The following FOXP2 variants were observed in gnomAD, a reference collection of about 807,000 sequenced individuals.
FOXP2 encodes the protein forkhead box protein P2.
FOXP2 carries 12 observed loss-of-function variants against 115.8 expected under a neutral mutation model. The observed-to-expected ratio is 0.10, with a 90% confidence interval of 0.07 to 0.17. FOXP2 has a LOEUF of 0.17. Among genes scored for constraint, FOXP2 ranks in the 10% least tolerant of loss-of-function variants. FOXP2 has a pLI of 1.00. For synonymous variants in FOXP2, 328 were observed against 297.7 expected (o/e 1.10, Z -1.05); for missense variants, 629 against 843.5 (o/e 0.75, Z 3.15).
intron 2 of FOXP2, among the ~76,000 whole-genome samples, chr7:114,464,336 A>G (rs1795714369): frequency 6.6e-6 from 1 of 152,206 alleles, no homozygotes; most frequent in African/African-American, 2.4e-5. Flanking sequence ...ATGACTTATG[A>G]CCTTTAAAAA....
intron 3 of FOXP2, among the ~76,000 whole-genome samples, chr7:114,622,579 A>T (rs1322276635): frequency 6.6e-6 from 1 of 151,878 alleles, no homozygotes; most frequent in Non-Finnish European, 1.5e-5. Context: ...TGTTTTGGAG[A>T]GCAGTGAAAT....
chr7:114,601,042 C>T (rs1169427001), intron 3 of FOXP2, among the ~76,000 whole-genome samples: 2 of 151,798 alleles, frequency 1.3e-5, no homozygotes, highest in East Asian at 3.9e-4. Flanking sequence ...CAGCTCACTT[C>T]AGCCTCTGCC....
upstream of FOXP2, chr7:114,087,626 G>C (rs555765061): frequency 1.2e-4 from 18 of 147,328 alleles, no homozygotes; most frequent in South Asian, 3.3e-3. Context: ...CACGTGCGGC[G>C]GCGGCGGCGG....
At chr7:114,677,493 C>A (rs960151967) in intron 16 of FOXP2, among the ~76,000 whole-genome samples, 1 of 152,126 alleles carries the variant, frequency 6.6e-6, no homozygotes, top group African/African-American at 2.4e-5. Flanking sequence ...TTGACTTAGT[C>A]TTGAGTAAGG....
At chr7:114,162,285 ATTTG>A (rs796670508), upstream of FOXP2, among the ~76,000 whole-genome samples, 4 of 152,114 alleles carry the variant, frequency 2.6e-5, no homozygotes, top group African/African-American at 9.6e-5. Context: ...CATCTTGTAA[ATTTG>A]TTTGAGAATT....
intron 1 of FOXP2, among the ~76,000 whole-genome samples, chr7:114,281,916 A>G (rs1428436506): frequency 6.6e-6 from 1 of 152,108 alleles, no homozygotes; most frequent in African/African-American, 2.4e-5. Context: ...CCACTTTCTT[A>G]GATCCAGGTA....
chr7:114,632,276 T>C (rs1387764512), intron 6 of FOXP2, among the ~76,000 whole-genome samples: 7 of 152,244 alleles, frequency 4.6e-5, no homozygotes, highest in African/African-American at 1.2e-4. Context: ...TTGTAAACTA[T>C]AGTTTTAAAA....
chr7:114,122,167 G>C (rs1044654753), intron 1 of FOXP2, among the ~76,000 whole-genome samples: 17 of 152,156 alleles, frequency 1.1e-4, no homozygotes, highest in African/African-American at 3.9e-4. Context: ...TTAAGCCATT[G>C]CTAAGATGAC....
rs372667168 is a variant in FOXP2, at chr7:114,332,576, A to G, written c.-11+44467A>G. ...TGCTTCACAAATAAGCATTTTTCAC[A>G]TACTGTATTTTATTTGTCTTTTTCT... On this transcript the variant is annotated intron_variant, in intron 2 of 17. Transcript: ENST00000634411. Among the ~76,000 whole-genome samples, 194 of 152,302 alleles carry G rather than the reference A, an allele frequency of 1.3e-3. 1 individual carries two copies. The South Asian group carries it at 0.018, about 14-fold the overall frequency.
At chr7:114,280,403 G>A (rs570287377) in intron 1 of FOXP2, among the ~76,000 whole-genome samples, 17 of 151,954 alleles carry the variant, frequency 1.1e-4, no homozygotes, top group African/African-American at 3.9e-4. Context: ...CTCTCCCACA[G>A]GATATTGGAA....
At chr7:114,195,948 C>T (rs1238959196) in intron 1 of FOXP2, among the ~76,000 whole-genome samples, 1 of 152,032 alleles carries the variant, frequency 6.6e-6, no homozygotes, top group African/African-American at 2.4e-5. Flanking sequence ...GAGACCTCAT[C>T]TCCTAAAAAA....
intron 1 of FOXP2, among the ~76,000 whole-genome samples, chr7:114,119,800 T>A (rs1025861835): frequency 6.6e-6 from 1 of 152,152 alleles, no homozygotes; most frequent in Admixed American, 6.6e-5. Flanking sequence ...CCCAATCATC[T>A]TTATCGGAGC....
rs753012475 is a variant in FOXP2 at position 114,658,286 on chromosome 7, G to A, written c.1468+19G>A. 2 of 1,611,788 alleles carry A rather than the reference G, an allele frequency of 1.2e-6. No individual in the cohort carries two copies. The highest frequency in any genetic ancestry group is 1.7e-6 in the Non-Finnish European group (2 of 1,178,336). On this transcript the variant is annotated intron_variant, in intron 11 of 16. Transcript: ENST00000350908. ...TCATCAGGTAGGATATGAATGCTCA[G>A]TAGAGCACTTTTACTTTGGGAGAGG...
At position 114,629,972 on chromosome 7, in the gene FOXP2, G is replaced by GCAGCAA. The variant is rs1804811921; in HGVS notation, c.570_575dup (p.Gln190_Gln191dup). On this transcript the variant is annotated inframe_insertion, in exon 5 of 17. Transcript: ENST00000350908. Reference sequence around the variant, plus strand: ...AGCAGCAGCAGCAACAGCAGCAGCAGCAGCAACAGCATCCTGGAAAGCAAG... The same window carrying GCAGCAA: ...AGCAGCAGCAGCAACAGCAGCAGCAGCAGCAACAGCAACAGCATCCTGGAAAGCAAG... The GCAGCAA allele has an allele frequency of 6.2e-7, 1 of 1,611,094 alleles. No individual in the cohort carries two copies. The highest frequency in any genetic ancestry group is 8.5e-7 in the Non-Finnish European group (1 of 1,179,424).
intron 2 of FOXP2, among the ~76,000 whole-genome samples, chr7:114,306,229 T>A (rs1434118043): frequency 6.6e-6 from 1 of 152,114 alleles, no homozygotes; most frequent in Non-Finnish European, 1.5e-5. Flanking sequence ...GCAGAAGACA[T>A]GAAACTCTTA....
At chr7:114,315,971 A>C (rs541518650) in intron 2 of FOXP2, among the ~76,000 whole-genome samples, 4 of 152,348 alleles carry the variant, frequency 2.6e-5, no homozygotes, top group South Asian at 4.1e-4. Context: ...ACTTAGGAAC[A>C]CTAGTCAACA....
At chr7:114,396,637 A>G (rs1792749001) in intron 2 of FOXP2, among the ~76,000 whole-genome samples, 1 of 152,004 alleles carries the variant, frequency 6.6e-6, no homozygotes. Flanking sequence ...ATGGAAGTAT[A>G]GAGTAGAATG....
chr7:114,229,046 G>C, intron 1 of FOXP2, among the ~76,000 whole-genome samples: 1 of 151,112 alleles, frequency 6.6e-6, no homozygotes, highest in Non-Finnish European at 1.5e-5. Context: ...TAAGTGAAAG[G>C]GTAGGAAATG....
At chr7:114,379,664 T>C (rs939286599) in intron 2 of FOXP2, among the ~76,000 whole-genome samples, 1 of 152,168 alleles carries the variant, frequency 6.6e-6, no homozygotes, top group African/African-American at 2.4e-5. Context: ...ACAGTTTCAA[T>C]TCTGGAAGAG....
Sources: allele counts gnomAD v4.1 joint callset (sites outside exome capture counted in the v4.1 genomes callset), GRCh38; gene constraint gnomAD v4.1.1; transcripts MANE v1.5; gene names NCBI Gene and HGNC (gene_info 2026-07-23, HGNC 2026-07-21).